PCDHA4: variants seen among roughly 807,000 people sequenced by gnomAD.
PCDHA4 encodes protocadherin alpha 4.
PCDHA4 carries 49 observed loss-of-function variants against 61.4 expected under a neutral mutation model. That is an observed-to-expected ratio of 0.80 (90% confidence interval 0.63 to 1.01). PCDHA4 has a LOEUF of 1.01. Ranked by LOEUF, PCDHA4 falls within the 50% of genes least tolerant of loss-of-function variation. The pLI, the probability that PCDHA4 is intolerant of heterozygous loss-of-function variation, is 0.00. For synonymous variants in PCDHA4, 590 were observed against 550.3 expected (o/e 1.07, Z -1.01); for missense variants, 1,254 against 1,235.8 (o/e 1.01, Z -0.22).
intron 1 of PCDHA4, among the ~76,000 whole-genome samples, chr5:140,912,495 GC>G (rs2075942069): frequency 6.6e-6 from 1 of 152,084 alleles, no homozygotes. Context: ...AGATCTAGGA[GC>G]TTTTTGGATG....
intron 1 of PCDHA4, chr5:140,864,749 C>T (rs544244056): frequency 6.6e-6 from 1 of 152,178 alleles, no homozygotes; most frequent in East Asian, 1.9e-4. Context: ...ACCGATTATA[C>T]TCATTTTTCT....
At chr5:140,836,674 C>CA in intron 1 of PCDHA4, 1 of 1,613,468 alleles carries the variant, frequency 6.2e-7, no homozygotes. Context: ...GGGGAGGGCC[C>CA]ACCCAAGACA....
In PCDHA4 at chr5:140,843,020, G is replaced by C. The variant is rs142550829; in HGVS notation, c.2385+33448G>C. The C allele has an allele frequency of 3.1e-6, 5 of 1,595,174 alleles. 1 individual carries two copies. Among genetic ancestry groups the C allele is most frequent in the Non-Finnish European group, 4.3e-6 (5 of 1,165,458 alleles). ...GAATGACAACGCGCCGGCACTGCTGGAGCCTCGGGTGGGTGGCACTGGTGG... is the reference window on the plus strand; with the variant it reads ...GAATGACAACGCGCCGGCACTGCTGCAGCCTCGGGTGGGTGGCACTGGTGG... On this transcript the variant is annotated intron_variant, in intron 1 of 3. Coordinates refer to ENST00000530339, the MANE Select transcript of PCDHA4 (RefSeq NM_018907.4).
intron 1 of PCDHA4, among the ~76,000 whole-genome samples, chr5:140,960,125 G>A (rs2153724181): frequency 6.6e-6 from 1 of 152,336 alleles, no homozygotes; most frequent in East Asian, 1.9e-4. Context: ...TATTCCTTAT[G>A]AAATACTTAG....
intron 1 of PCDHA4, chr5:140,822,319 A>C: frequency 6.2e-7 from 1 of 1,614,204 alleles, no homozygotes; most frequent in Non-Finnish European, 8.5e-7. Flanking sequence ...CTTAGATGTT[A>C]AAACAAATGA....
At chr5:140,876,086 C>G (rs371336139) in intron 1 of PCDHA4, 7 of 1,613,778 alleles carry the variant, frequency 4.3e-6, no homozygotes, top group Non-Finnish European at 1.7e-6. Flanking sequence ...AGAGAGCAAA[C>G]GCCAAAACTC....
At chr5:140,995,203 T>G (rs2097669345) in intron 3 of PCDHA4, among the ~76,000 whole-genome samples, 2 of 152,180 alleles carry the variant, frequency 1.3e-5, no homozygotes, top group African/African-American at 2.4e-5. Flanking sequence ...ATTTATAAAT[T>G]AGGCACAATA....
intron 1 of PCDHA4, chr5:140,848,707 G>A (rs782550579): frequency 2.5e-6 from 4 of 1,592,422 alleles, no homozygotes; most frequent in East Asian, 2.2e-5. Context: ...TCCAAAGGCC[G>A]CGGGGACCTT....
chr5:140,944,743 T>A (rs1307968034), intron 1 of PCDHA4, among the ~76,000 whole-genome samples: 2 of 152,238 alleles, frequency 1.3e-5, no homozygotes, highest in East Asian at 3.8e-4. Flanking sequence ...TCTGAGCATT[T>A]ACATGGAAAA....
rs1247587764 is a variant in PCDHA4 at position 140,883,158 on chromosome 5, C to T, written c.2385+73586C>T. ...GTGGTATATGCATTTACCATAAATC[C>T]GAACAATGGAGAAATTAGGACAAAA... On this transcript the variant is annotated intron_variant, in intron 1 of 3. Coordinates refer to ENST00000530339, the MANE Select transcript of PCDHA4 (RefSeq NM_018907.4). The T allele has an allele frequency of 1.9e-6, 3 of 1,613,592 alleles. No individual in the cohort carries two copies. In the African/African-American group the frequency reaches 4.0e-5, roughly 22 times the overall value.
intron 1 of PCDHA4, among the ~76,000 whole-genome samples, chr5:140,952,338 CAAAA>C (rs55931446): frequency 9.9e-4 from 134 of 134,976 alleles, no homozygotes; most frequent in Admixed American, 2.2e-3. Context: ...AACTCCATCT[CAAAA>C]AAAAAAAAAA....
At chr5:141,007,806 T>G (rs979059299) in intron 3 of PCDHA4, among the ~76,000 whole-genome samples, 12 of 152,220 alleles carry the variant, frequency 7.9e-5, no homozygotes, top group Non-Finnish European at 1.3e-4. Context: ...TATCTGCCAT[T>G]CATTTGCCTT....
intron 1 of PCDHA4, among the ~76,000 whole-genome samples, chr5:140,904,764 A>G (rs1354356510): frequency 2.0e-5 from 3 of 152,240 alleles, no homozygotes; most frequent in African/African-American, 4.8e-5. Context: ...CAAGAATAAG[A>G]TGGTATCACA....
chr5:140,829,915 G>C (rs782789312), intron 1 of PCDHA4: 5 of 1,613,890 alleles, frequency 3.1e-6, no homozygotes, highest in Admixed American at 1.7e-5. Context: ...CGTGGCTTTC[G>C]TATGAGCTGC....
intron 1 of PCDHA4, among the ~76,000 whole-genome samples, chr5:140,832,503 T>C (rs2150202042): frequency 6.6e-6 from 1 of 152,324 alleles, no homozygotes; most frequent in East Asian, 1.9e-4. Flanking sequence ...AGTGGCAGAA[T>C]TGTCTCTGAT....
intron 1 of PCDHA4, among the ~76,000 whole-genome samples, chr5:140,892,769 T>C (rs1182235195): frequency 6.6e-6 from 1 of 152,210 alleles, no homozygotes; most frequent in Non-Finnish European, 1.5e-5. Context: ...TCCACTCTTC[T>C]AGCTTCTTGA....
chr5:140,894,293 T>A (rs782004160), intron 1 of PCDHA4, among the ~76,000 whole-genome samples: 1 of 152,100 alleles, frequency 6.6e-6, no homozygotes, highest in Non-Finnish European at 1.5e-5. Context: ...TGAAGTTTAT[T>A]TTCCTGGAAA....
intron 1 of PCDHA4, chr5:140,831,242 C>A (rs1312674321): frequency 2.0e-5 from 3 of 152,156 alleles, no homozygotes; most frequent in Non-Finnish European, 4.4e-5. Context: ...GGCATTGCGG[C>A]TCTCTTATTT....
At chr5:140,920,084 T>C (rs2079442648) in intron 1 of PCDHA4, among the ~76,000 whole-genome samples, 1 of 152,196 alleles carries the variant, frequency 6.6e-6, no homozygotes, top group Non-Finnish European at 1.5e-5. Context: ...AGATTCTCCG[T>C]AGAGCCTCTA....
Sources: gnomAD v4.1 joint callset for allele counts (sites outside exome capture counted in the v4.1 genomes callset) on GRCh38, gnomAD v4.1.1 for gene constraint, MANE v1.5 for transcripts, NCBI Gene and HGNC (gene_info 2026-07-23, HGNC 2026-07-21) for gene names.